The following MAST2 variants were observed in gnomAD, a reference collection of about 807,000 sequenced individuals.
MAST2 encodes microtubule-associated serine/threonine-protein kinase 2.
In MAST2, 70 loss-of-function variants were observed where a neutral mutation model predicts 147.4. The observed-to-expected ratio is 0.47, with a 90% CI of 0.39 to 0.58. The LOEUF is 0.58. MAST2 is among the 20% of genes least tolerant of loss of function. The pLI is 0.00. For missense variants in MAST2, 2,080 were observed against 2,302.3 expected (o/e 0.90, Z 1.98); for synonymous variants, 869 against 896.8 (o/e 0.97, Z 0.55).
intron 4 of MAST2, among the ~76,000 whole-genome samples, chr1:45,903,002 CT>C (rs1390012921): frequency 6.6e-6 from 1 of 150,590 alleles, no homozygotes; most frequent in Non-Finnish European, 1.5e-5. Flanking sequence ...ATCTTTATTT[CT>C]TTTCTTCAGC....
chr1:45,804,597 C>T (rs1285480408), intron 1 of MAST2, among the ~76,000 whole-genome samples: 2 of 152,162 alleles, frequency 1.3e-5, no homozygotes, highest in Non-Finnish European at 2.9e-5. Context: ...CACAAGAAAG[C>T]ACTTGTGAAA....
At chr1:45,937,739 G>A (rs1201801738) in intron 4 of MAST2, among the ~76,000 whole-genome samples, 1 of 94,250 alleles carries the variant, frequency 1.1e-5, no homozygotes, top group Non-Finnish European at 1.9e-5. Flanking sequence ...GAGACAGAGT[G>A]AAACTCCATC....
At chr1:45,896,732 G>A (rs1372107904) in intron 4 of MAST2, among the ~76,000 whole-genome samples, 2 of 152,170 alleles carry the variant, frequency 1.3e-5, no homozygotes, top group Non-Finnish European at 2.9e-5. Context: ...GCCAGAAACC[G>A]TAGATTAAAA....
At chr1:45,856,095 C>A (rs1241806114) in intron 3 of MAST2, among the ~76,000 whole-genome samples, 2 of 152,116 alleles carry the variant, frequency 1.3e-5, no homozygotes, top group Non-Finnish European at 2.9e-5. Context: ...ATTTATTTGC[C>A]TCCCTTGAGT....
At chr1:45,839,470 G>A (rs1645208265) in intron 3 of MAST2, among the ~76,000 whole-genome samples, 1 of 151,832 alleles carries the variant, frequency 6.6e-6, no homozygotes, top group South Asian at 2.1e-4. Context: ...ATGGGGTTTC[G>A]CCATGTTGCC....
intron 5 of MAST2, among the ~76,000 whole-genome samples, chr1:45,987,777 A>ATTTTTTTTTTTTTTTTTTTTTTTTTGTTT: frequency 4.6e-5 from 1 of 21,778 alleles, no homozygotes; most frequent in African/African-American, 2.1e-4. Flanking sequence ...TTTTTTTTTG[A>ATTTTTTTTTTTTTTTTTTTTTTTTTGTTT]TTTTTTTTTT....
chr1:45,914,846 C>T (rs983814393), intron 4 of MAST2, among the ~76,000 whole-genome samples: 3 of 152,170 alleles, frequency 2.0e-5, no homozygotes, highest in South Asian at 2.1e-4. Context: ...ACTTCATCAA[C>T]TAATGTGTTA....
At chr1:45,884,747 T>C (rs1424723675) in intron 4 of MAST2, among the ~76,000 whole-genome samples, 1 of 152,202 alleles carries the variant, frequency 6.6e-6, no homozygotes, top group Non-Finnish European at 1.5e-5. Context: ...TCGAAAAAGT[T>C]TTGTTCTGGA....
chr1:45,953,529 A>T (rs1195866907), intron 4 of MAST2, among the ~76,000 whole-genome samples: 2 of 152,208 alleles, frequency 1.3e-5, no homozygotes, highest in African/African-American at 4.8e-5. Context: ...TGCTATTGGG[A>T]AAAAAGGTAG....
intron 8 of MAST2, among the ~76,000 whole-genome samples, 197 bp from the exon 9 acceptor site, chr1:46,008,099 A>T (rs1213525043): frequency 6.6e-6 from 1 of 152,182 alleles, no homozygotes; most frequent in Admixed American, 6.5e-5. Context: ...GCCTAGCTCC[A>T]TATAGTACCA....
intron 4 of MAST2, among the ~76,000 whole-genome samples, chr1:45,940,706 G>A (rs547172500): frequency 2.0e-5 from 3 of 149,738 alleles, no homozygotes; most frequent in South Asian, 2.1e-4. Flanking sequence ...TGCAATCTCC[G>A]CCACCCGGGT....
intron 1 of MAST2, among the ~76,000 whole-genome samples, chr1:45,806,589 T>A (rs1191783128): frequency 2.6e-5 from 4 of 152,052 alleles, no homozygotes; most frequent in Non-Finnish European, 5.9e-5. Flanking sequence ...TTTTTCTTTT[T>A]CTTTTTGAGA....
chr1:46,001,468 G>C (rs938521942), intron 6 of MAST2, among the ~76,000 whole-genome samples: 1 of 152,200 alleles, frequency 6.6e-6, no homozygotes, highest in Non-Finnish European at 1.5e-5. Context: ...AGTTATACTT[G>C]TCTCATCTTT....
intron 3 of MAST2, among the ~76,000 whole-genome samples, chr1:45,858,918 G>T (rs898944101): frequency 2.6e-5 from 4 of 152,176 alleles, no homozygotes; most frequent in Admixed American, 2.6e-4. Flanking sequence ...TCAGATGGTT[G>T]TAGATGTGTG....
At position 46,030,172 on chromosome 1, in the gene MAST2, A is replaced by G. The variant is rs943171884; in HGVS notation, c.2487A>G (p.Glu829=). The G allele has an allele frequency of 3.1e-6, 5 of 1,614,220 alleles. No homozygotes were observed. The highest frequency in any genetic ancestry group is 4.2e-6 in the Non-Finnish European group (5 of 1,180,036). ...RYHHMDSEDE[E]EVSEDGCLEI... is the part of the protein sequence containing the mutation. ...ACCACATGGACTCGGAGGATGAGGA[A>G]GAAGTGAGTGAGGATGGCTGCCTTG... The change falls in exon 21 of 29, where the codon GAA becomes GAG. Residue 829 remains glutamate, a synonymous_variant. Transcript: ENST00000361297.
intron 5 of MAST2, among the ~76,000 whole-genome samples, chr1:45,965,899 C>G (rs924479785): frequency 1.3e-5 from 2 of 152,092 alleles, no homozygotes; most frequent in Non-Finnish European, 2.9e-5. Flanking sequence ...CACCCAGGCA[C>G]TAGTTTACAT....
At chr1:45,864,701 C>T (rs1395954321) in intron 3 of MAST2, among the ~76,000 whole-genome samples, 1 of 152,122 alleles carries the variant, frequency 6.6e-6, no homozygotes, top group African/African-American at 2.4e-5. Flanking sequence ...AGCTTAGTAG[C>T]TGTAGGTGGA....
At chr1:45,876,597 C>T (rs1237238363) in intron 3 of MAST2, among the ~76,000 whole-genome samples, 1 of 152,202 alleles carries the variant, frequency 6.6e-6, no homozygotes, top group African/African-American at 2.4e-5. Context: ...ACTCTTGCCT[C>T]AGCCAAGTTT....
chr1:46,019,769 CA>C, intron 11 of MAST2, 72 bp downstream of exon 11: 6 of 1,308,236 alleles, frequency 4.6e-6, no homozygotes, highest in Non-Finnish European at 6.6e-6. Flanking sequence ...CTGATGACAG[CA>C]AAACTGTGGT....
Sources: gnomAD v4.1 joint callset for allele counts (sites outside exome capture counted in the v4.1 genomes callset) on GRCh38, gnomAD v4.1.1 for gene constraint, MANE v1.5 for transcripts, NCBI Gene and HGNC (gene_info 2026-07-23, HGNC 2026-07-21) for gene names.